The following LGI3 variants were observed in gnomAD, a reference collection of about 807,000 sequenced individuals.
LGI3 encodes leucine rich repeat LGI family member 3.
LGI3 carries 47 observed loss-of-function variants against 55.4 expected under a neutral mutation model. The observed-to-expected ratio is 0.85, with a 90% CI of 0.67 to 1.08. The LOEUF (loss-of-function observed/expected upper bound fraction) is 1.08, where lower values mean the gene tolerates loss of function less well. Among genes scored for constraint, LGI3 ranks in the 50% least tolerant of loss-of-function variants. LGI3 has a pLI of 0.00. For missense variants in LGI3, 664 were observed against 726.3 expected, an observed-to-expected ratio of 0.91 and a Z score of 0.99; for synonymous variants, 326 against 315.0, an observed-to-expected ratio of 1.04 and a Z score of -0.37.
At position 22,156,507 on chromosome 8, in the gene LGI3, C is replaced by T. The variant is rs376564510; in HGVS notation, c.36G>A (p.Pro12=). ...AGLRARGGPG[P]GLLALSALGF... is the part of the protein sequence containing the mutation. ...CGAGCGCGGAGAGCGCCAGCAGCCC[C>T]GGCCCCGGGCCCCCCCTGGCCCGCA... The change falls in exon 1 of 8, where the codon CCG becomes CCA. Residue 12 remains proline, a synonymous_variant. Transcript: ENST00000306317. 3 of 1,399,432 alleles carry T rather than the reference C, an allele frequency of 2.1e-6. No individual in the cohort carries two copies. The highest frequency in any genetic ancestry group is 1.9e-6 in the Non-Finnish European group (2 of 1,077,506). The allele number at this position is 1,399,432 out of a possible 1,614,324, so 86.7% of individuals were successfully genotyped here. A position where few individuals can be genotyped will look rare whatever the true frequency, so the allele number is the denominator to read the frequency against.
Position 22,153,958 on chromosome 8 carries a change from C to G in LGI3, c.494+10G>C. Reference sequence around the variant, plus strand: ...CGGCACTGTTGGAAGAGGCAGGACTCAGGCCTTACAAGTCATTCAGGATGT... The same window carrying G: ...CGGCACTGTTGGAAGAGGCAGGACTGAGGCCTTACAAGTCATTCAGGATGT... On this transcript the variant is annotated intron_variant, in intron 5 of 7. Transcript: ENST00000306317. The G allele has an allele frequency of 6.2e-7, 1 of 1,613,532 alleles. No individual in the cohort carries two copies. Among genetic ancestry groups the G allele is most frequent in the Non-Finnish European group, 8.5e-7 (1 of 1,179,766 alleles).
chr8:22,154,933 T>C, intron 2 of LGI3: 1 of 463,918 alleles, frequency 2.2e-6, no homozygotes, highest in Non-Finnish European at 3.9e-6. Flanking sequence ...CCTCATTCTG[T>C]CCCATTCCAG....
In LGI3 at chr8:22,147,748, A is replaced by G; in HGVS notation, c.*412T>C. The G allele has an allele frequency of 5.5e-6, 1 of 183,336 alleles. No homozygotes were observed. The highest frequency in any genetic ancestry group is 1.2e-5 in the Non-Finnish European group (1 of 86,576). The allele number at this position is 183,336 out of a possible 1,614,324, so 11.4% of individuals were successfully genotyped here. A position where few individuals can be genotyped will look rare whatever the true frequency, so the allele number is the denominator to read the frequency against. ...GCTGTGGGCTACAGCGGGGAGCAAGAGCAGGTAAACAATGCCTGGAGCACC... is the reference window on the plus strand; with the variant it reads ...GCTGTGGGCTACAGCGGGGAGCAAGGGCAGGTAAACAATGCCTGGAGCACC... On this transcript the variant is annotated 3_prime_UTR_variant, in exon 8 of 8. Transcript: ENST00000306317.
Position 22,148,618 on chromosome 8 carries a change from G to T in LGI3, c.1189C>A (p.Gln397Lys). The change falls in exon 8 of 8, where the codon CAG becomes AAG. Residue 397 changes from glutamine (Q) to lysine (K), a missense_variant. Gln to Lys is a moderately conservative substitution (Grantham distance 53, BLOSUM62 1). Transcript: ENST00000306317. This position sits in a 1 kb window ranked among gnomAD's most constrained non-coding sequence, Gnocchi z 7.0. Reference sequence around the variant, plus strand: ...CTCCACTGATAGATGACGGGTGCCTGGGAGCTGCTGGACACAATCAGCCGT... The same window carrying T: ...CTCCACTGATAGATGACGGGTGCCTTGGAGCTGCTGGACACAATCAGCCGT... ...KPRLIVSSSS[Q>K]APVIYQWSRT... The T allele has an allele frequency of 6.2e-7, 1 of 1,613,914 alleles. No homozygotes were observed. Among genetic ancestry groups the T allele is most frequent in the South Asian group, 1.1e-5 (1 of 91,072 alleles).
At chr8:22,155,689 C>T (rs1320871776) in intron 1 of LGI3, among the ~76,000 whole-genome samples, 1 of 152,260 alleles carries the variant, frequency 6.6e-6, no homozygotes, top group Non-Finnish European at 1.5e-5. Flanking sequence ...TGGCCCCAGG[C>T]TCAGCTTCCC....
rs1827343843 is a variant in LGI3, at chr8:22,148,960, A to G, written c.847T>C (p.Cys283Arg). The G allele has an allele frequency of 6.2e-7, 1 of 1,611,538 alleles. No individual in the cohort carries two copies. The highest frequency in any genetic ancestry group is 8.5e-7 in the Non-Finnish European group (1 of 1,178,846). Residue 283 changes from cysteine (C) to arginine (R), a missense_variant, in exon 8 of 8, where the codon TGC becomes CGC. Transcript: ENST00000306317. The surrounding 1 kb of genome is among the most constrained non-coding windows in gnomAD (Gnocchi z 7.0). ...TGGCTGTCCACCACCATCGGCTTGC[A>G]GTGCACTGCAGAGGGGGCTGTGCCA... ...DRIPAPSAVH[C>R]KPMVVDSQLY...
chr8:22,148,626 C>A lies in LGI3; in HGVS notation c.1181G>T (p.Ser394Ile). The A allele has an allele frequency of 6.2e-7, 1 of 1,613,970 alleles. No homozygotes were observed. The highest frequency in any genetic ancestry group is 8.5e-7 in the Non-Finnish European group (1 of 1,180,008). Reference protein sequence around the residue: ...GEGKPRLIVSSSSQAPVIYQW... With the variant: ...GEGKPRLIVSISSQAPVIYQW... ...ATAGATGACGGGTGCCTGGGAGCTG[C>A]TGGACACAATCAGCCGTGGCTTGCC... Residue 394 changes from serine to isoleucine, a missense_variant, in exon 8 of 8, where the codon AGC (serine) becomes ATC (isoleucine). Coordinates refer to ENST00000306317, the MANE Select transcript of LGI3 (RefSeq NM_139278.4). This position sits in a 1 kb window ranked among gnomAD's most constrained non-coding sequence, Gnocchi z 7.0.
At position 22,156,546 on chromosome 8, in the gene LGI3, GC is replaced by G; in HGVS notation, c.-5del. ...CCCTGGCCCGCAGCCCCGCCATGCTGCCCGCGATCTCTCCCTGGGGCCGGCG... is the reference window on the plus strand; with the variant it reads ...CCCTGGCCCGCAGCCCCGCCATGCTGCCGCGATCTCTCCCTGGGGCCGGCG... On this transcript the variant is annotated 5_prime_UTR_variant, in exon 1 of 8. Transcript: ENST00000306317. 8.2e-7 allele frequency: 1 copy of G among 1,217,516 alleles called. No homozygotes were observed. Among genetic ancestry groups the G allele is most frequent in the Non-Finnish European group, 1.1e-6 (1 of 941,796 alleles). 75.4% of individuals were successfully genotyped at this position (1,217,516 alleles called of 1,614,324 possible). A position where few individuals can be genotyped will look rare whatever the true frequency, so the allele number is the denominator to read the frequency against.
chr8:22,149,870 C>A (rs1232465111), intron 7 of LGI3, among the ~76,000 whole-genome samples: 1 of 152,116 alleles, frequency 6.6e-6, no homozygotes, highest in Non-Finnish European at 1.5e-5. Flanking sequence ...ATGCTAATGA[C>A]CCCCATGCCA....
chr8:22,152,102 C>T (rs1452249489), intron 5 of LGI3, 102 bp from the exon 6 acceptor site: 7 of 950,004 alleles, frequency 7.4e-6, no homozygotes, highest in Non-Finnish European at 9.2e-6. Flanking sequence ...CTGGTCAAGG[C>T]TGCTGCAAGT....
chr8:22,150,571 G>A (rs1827365053), intron 7 of LGI3, among the ~76,000 whole-genome samples: 1 of 151,960 alleles, frequency 6.6e-6, no homozygotes, highest in Non-Finnish European at 1.5e-5. Context: ...TGTTAGCCAG[G>A]ATGGTCTCAA....
Position 22,148,869 on chromosome 8 carries a change from G to A in LGI3, c.938C>T (p.Thr313Met), listed in dbSNP as rs559672591. The stretch of plus-strand genomic sequence containing the variant: ...AATGTCTTGCAGCCTGGTGAAGCGC[G>A]TGGTGTTGGGATCCCAGTGGTAAAT... The part of the protein sequence containing the change: ...SYIYHWDPNT[T>M]RFTRLQDIDP... Residue 313 changes from threonine to methionine, a missense_variant, in exon 8 of 8, where the codon ACG (threonine) becomes ATG (methionine). Physicochemically the swap from Thr to Met is moderately conservative, Grantham distance 81 (BLOSUM62 -1). Coordinates refer to ENST00000306317, the MANE Select transcript of LGI3 (RefSeq NM_139278.4). This position sits in a 1 kb window ranked among gnomAD's most constrained non-coding sequence, Gnocchi z 7.0. The A allele has an allele frequency of 5.0e-6, 8 of 1,614,164 alleles. No homozygotes were observed. Among genetic ancestry groups the A allele is most frequent in the Middle Eastern group, 1.6e-4 (1 of 6,062 alleles).
At chr8:22,152,698 G>A (rs1298257976) in intron 5 of LGI3, among the ~76,000 whole-genome samples, 3 of 138,308 alleles carry the variant, frequency 2.2e-5, no homozygotes, top group Admixed American at 7.9e-5. Context: ...CGGAGATCAC[G>A]CCATTGCACT....
At chr8:22,150,349 C>CTTTT (rs1397620505) in intron 7 of LGI3, among the ~76,000 whole-genome samples, 1 of 116,862 alleles carries the variant, frequency 8.6e-6, no homozygotes. Context: ...TTTAAGCCTT[C>CTTTT]TATTTTTTTT....
At chr8:22,154,336 G>A in intron 3 of LGI3, 123 bp from the exon 4 acceptor site, 2 of 880,698 alleles carry the variant, frequency 2.3e-6, no homozygotes, top group Admixed American at 3.8e-5. Context: ...AATGGAGTCT[G>A]GCATCACCAA....
In LGI3 at chr8:22,148,562, A is replaced by G; in HGVS notation, c.1245T>C (p.Gly415=). 2 of 1,613,778 alleles carry G rather than the reference A, an allele frequency of 1.2e-6. No homozygotes were observed. The highest frequency in any genetic ancestry group is 1.7e-6 in the Non-Finnish European group (2 of 1,180,016). Residue 415 remains glycine (G), a synonymous_variant, in exon 8 of 8, where the codon GGT becomes GGC. Transcript: ENST00000306317. This position sits in a 1 kb window ranked among gnomAD's most constrained non-coding sequence, Gnocchi z 7.0. ...GGGCATCAGGCACCTGGGTCACCTC[A>G]CCCTGGGCCACAAACTGCTTCTGGG... is the stretch of plus-strand genomic sequence containing the variant. The part of the protein sequence containing the change: ...SRTQKQFVAQ[G]EVTQVPDAQA...
rs1563213801 is a variant in LGI3 at position 22,156,784 on chromosome 8, ACCGCGCCGGGTGGC to A, written c.-256_-243del. The A allele has an allele frequency of 6.0e-6, 1 of 167,514 alleles. No homozygotes were observed. Among genetic ancestry groups the A allele is most frequent in the African/African-American group, 2.4e-5 (1 of 41,628 alleles). 10.4% of individuals were successfully genotyped at this position (167,514 alleles called of 1,614,324 possible). Reference sequence around the variant, plus strand: ...GGAGCTGGAGCCGCAGCCGGGGCTGACCGCGCCGGGTGGCTGCGGACTGCGGCGCGGGCGGCGGG... The same window carrying A: ...GGAGCTGGAGCCGCAGCCGGGGCTGATGCGGACTGCGGCGCGGGCGGCGGG... On this transcript the variant is annotated 5_prime_UTR_variant, in exon 1 of 8. Coordinates refer to ENST00000306317, the MANE Select transcript of LGI3 (RefSeq NM_139278.4).
intron 3 of LGI3, 82 bp downstream of exon 3, chr8:22,154,478 C>T: frequency 8.0e-7 from 1 of 1,244,254 alleles, no homozygotes; most frequent in Non-Finnish European, 1.2e-6. Flanking sequence ...TTCTCATCCA[C>T]TCCCTACCCA....
At chr8:22,150,836 A>G (rs1018334595) in intron 7 of LGI3, among the ~76,000 whole-genome samples, 1 of 151,150 alleles carries the variant, frequency 6.6e-6, no homozygotes, top group Non-Finnish European at 1.5e-5. Flanking sequence ...TGGATCACAC[A>G]TTCTGCTTAA....
Sources: allele counts gnomAD v4.1 joint callset (sites outside exome capture counted in the v4.1 genomes callset), GRCh38; gene constraint gnomAD v4.1.1; non-coding constraint Gnocchi (gnomAD v3.1); transcripts MANE v1.5; gene names NCBI Gene and HGNC (gene_info 2026-07-23, HGNC 2026-07-21).